NFIA: variants seen among roughly 807,000 people sequenced by gnomAD.
NFIA encodes the protein nuclear factor I A, also known as nuclear factor 1 A-type.
Under a neutral mutation model 62.8 loss-of-function variants are expected in NFIA, and 8 were observed. The observed-to-expected ratio is 0.13, with a 90% CI of 0.07 to 0.23. The LOEUF (loss-of-function observed/expected upper bound fraction) is 0.23. Among genes scored for constraint, NFIA ranks in the 10% least tolerant of loss-of-function variants. The pLI is 1.00. For synonymous variants in NFIA, 235 were observed against 238.1 expected (o/e 0.99, Z 0.12); for missense variants, 410 against 642.1 (o/e 0.64, Z 3.91).
intron 2 of NFIA, among the ~76,000 whole-genome samples, chr1:61,180,906 T>C (rs1051392279): frequency 6.6e-6 from 1 of 152,236 alleles, no homozygotes. Flanking sequence ...AGAATCTTTA[T>C]TTCTCCATCT....
intron 3 of NFIA, among the ~76,000 whole-genome samples, chr1:61,326,621 G>C (rs1455453456): frequency 6.6e-6 from 1 of 152,142 alleles, no homozygotes; most frequent in African/African-American, 2.4e-5. Context: ...ACAGTCTAAT[G>C]TGAGAAAAAG....
chr1:61,379,140 T>G (rs866613329), intron 6 of NFIA, among the ~76,000 whole-genome samples: 1 of 152,168 alleles, frequency 6.6e-6, no homozygotes, highest in Non-Finnish European at 1.5e-5. Flanking sequence ...ATTTATCATA[T>G]TCACAAGTAT....
intron 2 of NFIA, among the ~76,000 whole-genome samples, chr1:61,263,282 T>C (rs1057346624): frequency 2.6e-5 from 4 of 152,210 alleles, no homozygotes; most frequent in Admixed American, 1.3e-4. Flanking sequence ...GCTGTAAATC[T>C]GCAAAAAGAC....
chr1:61,080,433 G>T (rs777746256), upstream of NFIA, among the ~76,000 whole-genome samples: 2 of 152,124 alleles, frequency 1.3e-5, no homozygotes, highest in Non-Finnish European at 2.9e-5. Flanking sequence ...ATTTTAATCT[G>T]CTCTGGAAGA....
At chr1:61,393,147 A>G (rs968896404) in intron 7 of NFIA, among the ~76,000 whole-genome samples, 1 of 104,614 alleles carries the variant, frequency 9.6e-6, no homozygotes, top group Non-Finnish European at 1.8e-5. Context: ...GTATAGACTC[A>G]TTATTTATTT....
At chr1:61,328,653 A>G (rs574135934) in intron 3 of NFIA, among the ~76,000 whole-genome samples, 1 of 151,836 alleles carries the variant, frequency 6.6e-6, no homozygotes, top group African/African-American at 2.4e-5. Context: ...TCCCGACCTC[A>G]GGTGATTTGC....
At chr1:61,302,766 A>C (rs74445265) in intron 3 of NFIA, among the ~76,000 whole-genome samples, 6,932 of 152,260 alleles carry the variant, frequency 0.046, 520 homozygotes, top group African/African-American at 0.16. Context: ...AAACAAACCT[A>C]AGTTTTCAAT....
intron 2 of NFIA, among the ~76,000 whole-genome samples, chr1:61,214,624 C>T (rs1478992819): frequency 6.6e-6 from 1 of 151,986 alleles, no homozygotes; most frequent in Non-Finnish European, 1.5e-5. Context: ...AGAGATTTTC[C>T]CCAAATCATT....
chr1:61,404,111 G>A lies in NFIA; in HGVS notation c.1083G>A (p.Pro361=), dbSNP rs2236059. 0.29 allele frequency: 469,146 copies of A among 1,613,276 alleles called. 71,260 individuals carry two copies. The highest frequency in any genetic ancestry group is 0.58 in the East Asian group (26,021 of 44,840). Residue 361 remains proline (P), a synonymous_variant, in exon 8 of 11, where the codon CCG becomes CCA. Transcript: ENST00000403491. ...RPVITGPRAS[P]HATPSTLHFP... Reference sequence around the variant, plus strand: ...TGTTTTCTTTTCCTGCAGCAAGTCCGCATGCAACACCATCGACTCTTCATT... The same window carrying A: ...TGTTTTCTTTTCCTGCAGCAAGTCCACATGCAACACCATCGACTCTTCATT...
At chr1:61,310,360 T>C (rs560058736) in intron 3 of NFIA, among the ~76,000 whole-genome samples, 9 of 152,320 alleles carry the variant, frequency 5.9e-5, no homozygotes. Context: ...CTTACTACTC[T>C]TCAGGAACTC....
At chr1:61,185,212 C>G (rs1651081319) in intron 2 of NFIA, among the ~76,000 whole-genome samples, 1 of 152,060 alleles carries the variant, frequency 6.6e-6, no homozygotes, top group African/African-American at 2.4e-5. Flanking sequence ...GTTATGTAAG[C>G]CCACTATACC....
At chr1:61,112,190 G>C (rs147887549) in intron 2 of NFIA, among the ~76,000 whole-genome samples, 1,769 of 150,188 alleles carry the variant, frequency 0.012, 20 homozygotes, top group Middle Eastern at 0.066. Context: ...TTAGTATGTT[G>C]AGCTGTGTCC....
chr1:61,272,235 A>G (rs1657552474), intron 2 of NFIA, among the ~76,000 whole-genome samples: 1 of 152,194 alleles, frequency 6.6e-6, no homozygotes, highest in African/African-American at 2.4e-5. Flanking sequence ...TACAAATTGT[A>G]TATACATGTG....
chr1:61,186,978 G>A (rs1330737463), intron 2 of NFIA, among the ~76,000 whole-genome samples: 1 of 152,184 alleles, frequency 6.6e-6, no homozygotes, highest in Non-Finnish European at 1.5e-5. Context: ...CATCCCAGTG[G>A]TGCTGTACTT....
At chr1:61,163,184 A>C (rs1413060614) in intron 2 of NFIA, among the ~76,000 whole-genome samples, 4 of 152,226 alleles carry the variant, frequency 2.6e-5, no homozygotes, top group Admixed American at 2.6e-4. Flanking sequence ...CATAATATTC[A>C]TGTTAGAATG....
rs940939921 is a variant in NFIA at position 61,459,977 on chromosome 1, CTTTTT to C, written c.*4659_*4663del. The C allele has an allele frequency of 2.0e-5, 3 of 151,714 alleles. No individual in the cohort carries two copies. Among genetic ancestry groups the C allele is most frequent in the Middle Eastern group, 3.2e-3 (1 of 316 alleles). The allele number at this position is 151,714 out of a possible 1,614,324, so 9.4% of individuals were successfully genotyped here. On this transcript the variant is annotated 3_prime_UTR_variant, in exon 11 of 11. Transcript: ENST00000403491. Reference sequence around the variant, plus strand: ...CTTTCTTGTCTTCATTCTTTCTTTTCTTTTTTATTTCTGGTAGCAGGCCTCCATAG... The same window carrying C: ...CTTTCTTGTCTTCATTCTTTCTTTTCTATTTCTGGTAGCAGGCCTCCATAG...
chr1:61,309,494 A>AAC (rs1557697580), intron 3 of NFIA, among the ~76,000 whole-genome samples: 4 of 148,416 alleles, frequency 2.7e-5, no homozygotes, highest in Non-Finnish European at 6.0e-5. Context: ...ACAACAACAA[A>AAC]AAAAAAAACA....
At chr1:61,174,945 A>G (rs1446614308) in intron 2 of NFIA, among the ~76,000 whole-genome samples, 1 of 152,112 alleles carries the variant, frequency 6.6e-6, no homozygotes, top group African/African-American at 2.4e-5. Flanking sequence ...AGTGAGGAGC[A>G]CCTTTGTAGC....
chr1:61,309,264 C>G (rs375144163), intron 3 of NFIA, among the ~76,000 whole-genome samples: 2 of 151,952 alleles, frequency 1.3e-5, no homozygotes, highest in African/African-American at 4.8e-5. Context: ...TGACGTGTGT[C>G]CTACGAATCT....
Sources: gnomAD v4.1 joint callset for allele counts (sites outside exome capture counted in the v4.1 genomes callset) on GRCh38, gnomAD v4.1.1 for gene constraint, MANE v1.5 for transcripts, NCBI Gene and HGNC (gene_info 2026-07-23, HGNC 2026-07-21) for gene names.